ZDHHC1: variants seen among roughly 807,000 people sequenced by gnomAD.
The protein encoded by ZDHHC1 is zDHHC palmitoyltransferase 1.
Under a neutral mutation model 46.9 loss-of-function variants are expected in ZDHHC1, and 45 were observed. The observed-to-expected ratio is 0.96, with a 90% CI of 0.76 to 1.23. ZDHHC1 has a LOEUF of 1.23. Among genes scored for constraint, ZDHHC1 ranks in the 50% most tolerant of loss-of-function variants. The pLI, the probability that ZDHHC1 is intolerant of heterozygous loss-of-function variation, is 0.00. For synonymous variants in ZDHHC1, 291 were observed against 286.0 expected (o/e 1.02, Z -0.18); for missense variants, 649 against 670.8 (o/e 0.97, Z 0.36).
chr16:67,395,011 G>C lies in ZDHHC1; in HGVS notation c.1156C>G (p.Pro386Ala), dbSNP rs909673411. 1.9e-6 allele frequency: 3 copies of C among 1,610,798 alleles called. No homozygotes were observed. In the African/African-American group the frequency reaches 4.0e-5, roughly 22 times the overall value. The change falls in exon 11 of 12, where the codon CCG becomes GCG. Residue 386 changes from proline to alanine, a missense_variant. Physicochemically the swap from Pro to Ala is conservative, Grantham distance 27. Coordinates refer to ENST00000565726, the MANE Select transcript of ZDHHC1 (RefSeq NM_001323627.2). ...AGGGAGAGGCGCTCACCCGACGCCG[G>C]ATCCGAGGTCTCAGACGTTCGCACT... ...YKVRTSETSD[P>A]ASGPRAPSRR... is the part of the protein sequence containing the mutation.
intron 3 of ZDHHC1, among the ~76,000 whole-genome samples, chr16:67,402,221 C>G (rs1198562913): frequency 6.6e-6 from 1 of 152,230 alleles, no homozygotes; most frequent in Non-Finnish European, 1.5e-5. Context: ...CCTCCCAACT[C>G]TGCGCCTTCT....
rs2040655596 is a variant in ZDHHC1 at position 67,406,279 on chromosome 16, A to C, written c.173T>G (p.Leu58Arg). 6.2e-7 allele frequency: 1 copy of C among 1,610,590 alleles called. No individual in the cohort carries two copies. The highest frequency in any genetic ancestry group is 8.5e-7 in the Non-Finnish European group (1 of 1,178,818). ...GCCGATCACAGCAAAGAAGAGGTAC[A>C]GCAGCCAGGCCACAATCTGGAGCGG... ...PHPLQIVAWL[L>R]YLFFAVIGFG... The change falls in exon 3 of 12, where the codon CTG (leucine) becomes CGG (arginine). Residue 58 changes from leucine (L) to arginine (R), a missense_variant. By Grantham distance (102) the Leu-to-Arg change is moderately radical (BLOSUM62 -2). Transcript: ENST00000565726. This position sits in a 1 kb window ranked among gnomAD's most constrained non-coding sequence, Gnocchi z 4.1.
rs142114755 is a variant in ZDHHC1 at position 67,406,330 on chromosome 16, C to T, written c.122G>A (p.Arg41Gln). ...GTGAGGGGGCCAGCTCCACCCATTC[C>T]GGCGGGATCGCTGGCCCTGCAGCTC... ...SPELQGQRSR[R>Q]NGWSWPPHPL... is the part of the protein sequence containing the mutation. Residue 41 changes from arginine (R) to glutamine (Q), a missense_variant, in exon 3 of 12, where the codon CGG becomes CAG. Arg to Gln is a conservative substitution (Grantham distance 43). Coordinates refer to ENST00000565726, the MANE Select transcript of ZDHHC1 (RefSeq NM_001323627.2). This position sits in a 1 kb window ranked among gnomAD's most constrained non-coding sequence, Gnocchi z 4.1. The T allele has an allele frequency of 1.6e-5, 26 of 1,596,990 alleles. No individual in the cohort carries two copies. Among genetic ancestry groups the T allele is most frequent in the East Asian group, 4.5e-5 (2 of 44,278 alleles).
chr16:67,415,607 C>T (rs763009787), intron 1 of ZDHHC1, among the ~76,000 whole-genome samples: 2 of 151,696 alleles, frequency 1.3e-5, no homozygotes, highest in Non-Finnish European at 2.9e-5. Flanking sequence ...AAATATAAAA[C>T]TTAGCCGGGC....
chr16:67,406,517 C>A lies in ZDHHC1; in HGVS notation c.10-75G>T. On this transcript the variant is annotated intron_variant, in intron 2 of 11. Transcript: ENST00000565726. This position sits in a 1 kb window ranked among gnomAD's most constrained non-coding sequence, Gnocchi z 4.1. ...GGAGCCCAGGGCCTGTGTCTGCAGC[C>A]AAGTTTCAGCACAGGGGGAGTAGGC... 6.9e-7 allele frequency: 1 copy of A among 1,439,136 alleles called. No homozygotes were observed. Among genetic ancestry groups the A allele is most frequent in the South Asian group, 1.5e-5 (1 of 67,184 alleles). 89.1% of individuals were successfully genotyped at this position (1,439,136 alleles called of 1,614,324 possible).
Position 67,404,750 on chromosome 16 carries a change from G to A in ZDHHC1, c.252+1450C>T, listed in dbSNP as rs753494002. The A allele has an allele frequency of 1.3e-4, 60 of 455,694 alleles. 1 individual carries two copies. Among genetic ancestry groups the A allele is most frequent in the Non-Finnish European group, 4.4e-6 (1 of 226,660 alleles). The allele number at this position is 455,694 out of a possible 1,614,324, so 28.2% of individuals were successfully genotyped here. On this transcript the variant is annotated intron_variant, in intron 3 of 11. Transcript: ENST00000565726. ...GAAATGGGGAGAATACCTCCTTAAG[G>A]ATTACAATGAGGACCAAATGAGATC...
rs1016611488 is a variant in ZDHHC1, at chr16:67,395,397, G to A, written c.1010+87C>T. 39 of 1,535,282 alleles carry A rather than the reference G, an allele frequency of 2.5e-5. No individual in the cohort carries two copies. In the East Asian group the frequency reaches 4.4e-4, roughly 17 times the overall value. On this transcript the variant is annotated intron_variant, in intron 9 of 11. Transcript: ENST00000565726. ...CAGAGAAGGGCCTGACCCATGCCCCGACCTTAGCCTACCCCCTTCTCCTGC... is the reference window on the plus strand; with the variant it reads ...CAGAGAAGGGCCTGACCCATGCCCCAACCTTAGCCTACCCCCTTCTCCTGC...
rs1227756770 is a variant in ZDHHC1 at position 67,394,659 on chromosome 16, C to A, written c.1400G>T (p.Ser467Ile). ...GCCCGGCGCCCTGGGCTCGCCGCTG[C>A]TCGGGCTCACGAAAACGGCGGGCGC... ...ARAPAVFVSP[S>I]SGEPRAPGGR... Residue 467 changes from serine (S) to isoleucine (I), a missense_variant, in exon 12 of 12, where the codon AGC (serine) becomes ATC (isoleucine). By Grantham distance (142) the Ser-to-Ile change is moderately radical (BLOSUM62 -2). Transcript: ENST00000565726. 2 of 1,243,446 alleles carry A rather than the reference C, an allele frequency of 1.6e-6. No individual in the cohort carries two copies. The highest frequency in any genetic ancestry group is 7.0e-5 in the East Asian group (2 of 28,718). 77.0% of individuals were successfully genotyped at this position (1,243,446 alleles called of 1,614,324 possible).
rs377202725 is a variant in ZDHHC1, at chr16:67,395,200, C to T, written c.1091G>A (p.Arg364Gln). 10 of 1,611,890 alleles carry T rather than the reference C, an allele frequency of 6.2e-6. No homozygotes were observed. The highest frequency in any genetic ancestry group is 3.3e-4 in the Middle Eastern group (2 of 6,072). ...SSPDTLALPP[R>Q]IRPQKKRKRR... The stretch of plus-strand genomic sequence containing the variant: ...AGTCCCTCCTACCTGGGGTCGGATC[C>T]GGGGAGGCAGGGCGAGAGTGTCTGG... Residue 364 changes from arginine (R) to glutamine (Q), a missense_variant, in exon 10 of 12, where the codon CGG (arginine) becomes CAG (glutamine). Arg to Gln is a conservative substitution (Grantham distance 43). Coordinates refer to ENST00000565726, the MANE Select transcript of ZDHHC1 (RefSeq NM_001323627.2).
At chr16:67,409,138 G>T (rs891539190) in intron 1 of ZDHHC1, among the ~76,000 whole-genome samples, 8 of 152,066 alleles carry the variant, frequency 5.3e-5, no homozygotes, top group African/African-American at 1.9e-4. Flanking sequence ...CTGTATCCCT[G>T]ACTCCTGAGG....
intron 4 of ZDHHC1, among the ~76,000 whole-genome samples, chr16:67,399,675 C>T (rs537426041): frequency 6.6e-6 from 1 of 152,242 alleles, no homozygotes; most frequent in African/African-American, 2.4e-5. Context: ...CCCCAGAGGC[C>T]GCAGGAGGGG....
rs904172961 is a variant in ZDHHC1 at position 67,410,740 on chromosome 16, A to G, written c.-38-2927T>C. Among the ~76,000 whole-genome samples the G allele has an allele frequency of 1.1e-4, 16 of 151,842 alleles. 1 individual carries two copies. The highest frequency in any genetic ancestry group is 3.4e-4 in the African/African-American group (14 of 41,362). On this transcript the variant is annotated intron_variant, in intron 1 of 11. Transcript: ENST00000565726. ...GAGTACAGTGGTATGAGCTCAGCTC[A>G]CTGCAACCTCCACCTCCCAGGTTCA...
Position 67,394,799 on chromosome 16 carries a change from C to G in ZDHHC1, c.1260G>C (p.Ser420=). 3 of 1,527,452 alleles carry G rather than the reference C, an allele frequency of 2.0e-6. No homozygotes were observed. The highest frequency in any genetic ancestry group is 1.2e-5 in the South Asian group (1 of 82,472). 94.6% of individuals were successfully genotyped at this position (1,527,452 alleles called of 1,614,324 possible). A position where few individuals can be genotyped will look rare whatever the true frequency, so the allele number is the denominator to read the frequency against. ...TCTCGTCCACGGACTCTGCCGACGC[C>G]GAGTGGTAGGCGCCGGCAGGGCCAG... The part of the protein sequence containing the change: ...HAAGPAGAYH[S]ASAESVDEIP... The change falls in exon 12 of 12, where the codon TCG becomes TCC. Residue 420 remains serine (S), a synonymous_variant. Transcript: ENST00000565726.
rs758570124 is a variant in ZDHHC1, at chr16:67,401,122, G to A, written c.263C>T (p.Ala88Val). 3 of 1,613,702 alleles carry A rather than the reference G, an allele frequency of 1.9e-6. No homozygotes were observed. Among genetic ancestry groups the A allele is most frequent in the Admixed American group, 3.3e-5 (2 of 59,992 alleles). ...CACCACAAGGTGGCCAGCAAAGATG[G>A]CGCCCATGCACTGGCCCAGCAGGTT... is the stretch of plus-strand genomic sequence containing the variant. ...WVPAGYACMGAIFAGHLVVHL... is the reference protein window; with the variant it reads ...WVPAGYACMGVIFAGHLVVHL... Residue 88 changes from alanine (A) to valine (V), a missense_variant, in exon 4 of 12, where the codon GCC (alanine) becomes GTC (valine). Coordinates refer to ENST00000565726, the MANE Select transcript of ZDHHC1 (RefSeq NM_001323627.2). The surrounding 1 kb of genome is among the most constrained non-coding windows in gnomAD (Gnocchi z 4.6).
At chr16:67,411,452 G>A (rs1597550275) in intron 1 of ZDHHC1, among the ~76,000 whole-genome samples, 1 of 152,286 alleles carries the variant, frequency 6.6e-6, no homozygotes, top group Non-Finnish European at 1.5e-5. Flanking sequence ...GAACATTGGG[G>A]CAAATTTCAC....
rs1479664452 is a variant in ZDHHC1, at chr16:67,402,336, GCTCT to G, written c.253-1208_253-1205del. Among the ~76,000 whole-genome samples, 6 of 152,254 alleles carry G rather than the reference GCTCT, an allele frequency of 3.9e-5. No homozygotes were observed. In the South Asian group the frequency reaches 1.2e-3, roughly 32 times the overall value. ...TGCAACCCTACAGTGGGTCTCAACA[GCTCT>G]CTGACTGAAATTCACTCCTCTGCTC... is the stretch of plus-strand genomic sequence containing the variant. On this transcript the variant is annotated intron_variant, in intron 3 of 11. Transcript: ENST00000565726.
chr16:67,395,507 G>T lies in ZDHHC1; in HGVS notation c.987C>A (p.Ala329=), dbSNP rs532330129. Residue 329 remains alanine, a synonymous_variant, in exon 9 of 12, where the codon GCC becomes GCA. Coordinates refer to ENST00000565726, the MANE Select transcript of ZDHHC1 (RefSeq NM_001323627.2). ...RHMRPEPPGQ[A]GPAAVNANPS... is the part of the protein sequence containing the mutation. ...ACTTGGCATTCACTGCTGCTGGCCC[G>T]GCCTGGCCAGGGGGCTCTGGGCGCA... 4.5e-6 allele frequency: 7 copies of T among 1,554,624 alleles called. No individual in the cohort carries two copies. The African/African-American group carries it at 9.5e-5, about 21-fold the overall frequency.
chr16:67,400,603 G>A (rs1275384231), intron 4 of ZDHHC1, among the ~76,000 whole-genome samples: 1 of 152,226 alleles, frequency 6.6e-6, no homozygotes, highest in Non-Finnish European at 1.5e-5. Flanking sequence ...CGGGGTGGCT[G>A]CAGGAAGAGC....
intron 8 of ZDHHC1, among the ~76,000 whole-genome samples, chr16:67,397,369 C>T (rs1471881764): frequency 3.9e-5 from 6 of 152,206 alleles, no homozygotes; most frequent in African/African-American, 7.2e-5. Context: ...GGCAGGTATA[C>T]GGTGGTGTAA....
Sources: gnomAD v4.1 joint callset for allele counts (sites outside exome capture counted in the v4.1 genomes callset) on GRCh38, gnomAD v4.1.1 for gene constraint, Gnocchi (gnomAD v3.1) non-coding constraint, MANE v1.5 for transcripts, NCBI Gene and HGNC (gene_info 2026-07-23, HGNC 2026-07-21) for gene names.